SPAM1: variants seen among roughly 807,000 people sequenced by gnomAD.
SPAM1 encodes sperm adhesion molecule 1.
Under a neutral mutation model 29.6 loss-of-function variants are expected in SPAM1, and 22 were observed. That is an observed-to-expected ratio of 0.74 (90% CI 0.53 to 1.06). The LOEUF is 1.06. SPAM1 is among the 50% of genes least tolerant of loss of function. The probability of loss-of-function intolerance (pLI) is 0.00; values close to 1 mark genes in which losing one functional copy is unlikely to be tolerated. For missense variants in SPAM1, 534 were observed against 604.0 expected (o/e 0.88, Z 1.21); for synonymous variants, 194 against 204.6 (o/e 0.95, Z 0.44).
chr7:123,953,648 C>T lies in SPAM1; in HGVS notation c.78C>T (p.Thr26=). 6.2e-7 allele frequency: 1 copy of T among 1,613,010 alleles called. No individual in the cohort carries two copies. Among genetic ancestry groups the T allele is most frequent in the South Asian group, 1.1e-5 (1 of 90,952 alleles). ...KSSGVSQIVF[T]FLLIPCCLTL... is the part of the protein sequence containing the mutation. ...GTGGAGTATCCCAGATAGTTTTCAC[C>T]TTCCTTCTGATTCCATGTTGCTTGA... The change falls in exon 3 of 5, where the codon ACC becomes ACT. Residue 26 remains threonine (T), a synonymous_variant. Coordinates refer to ENST00000682466, the MANE Select transcript of SPAM1 (RefSeq NM_153189.3).
chr7:123,960,050 C>T (rs1437755721), downstream of SPAM1: 40 of 1,502,720 alleles, frequency 2.7e-5, no homozygotes, highest in Non-Finnish European at 3.4e-5. Context: ...AAAAGAACAG[C>T]TCTTGTTGAA....
intron 5 of SPAM1, among the ~76,000 whole-genome samples, chr7:123,965,064 A>AT (rs981198651): frequency 5.3e-5 from 8 of 151,844 alleles, no homozygotes; most frequent in East Asian, 3.9e-4. Context: ...TGATTTAATT[A>AT]TTTTTTTTCC....
chr7:123,954,548 C>A, intron 3 of SPAM1, 24 bp downstream of exon 3: 2 of 1,423,790 alleles, frequency 1.4e-6, no homozygotes, highest in Non-Finnish European at 1.9e-6. Flanking sequence ...GGTATGAGGG[C>A]TAGGAAATGA....
chr7:123,953,911 TC>T lies in SPAM1; in HGVS notation c.346del (p.Gln116ArgfsTer22). On this transcript the variant is annotated frameshift_variant, in exon 3 of 5. Transcript: ENST00000682466. LOFTEE classifies it high-confidence loss of function. ...SITGVTVNGG[I>X]PQKISLQDHL... ...ACAGGAGTAACTGTGAATGGAGGAA[TC>T]CCCCAGAAGATTTCCTTACAAGACC... 1 of 1,613,694 alleles carries T rather than the reference TC, an allele frequency of 6.2e-7. No individual in the cohort carries two copies. Among genetic ancestry groups the T allele is most frequent in the Non-Finnish European group, 8.5e-7 (1 of 1,179,770 alleles).
At position 123,959,808 on chromosome 7, in the gene SPAM1, G is replaced by A. The variant is rs943732895; in HGVS notation, c.1369G>A (p.Val457Met). Residue 457 changes from valine to methionine, a missense_variant, in exon 5 of 5, where the codon GTG (valine) becomes ATG (methionine). By Grantham distance (21) the Val-to-Met change is conservative. Coordinates refer to ENST00000682466, the MANE Select transcript of SPAM1 (RefSeq NM_153189.3). ...TGTAAAAGACACTGATGCTGTTGAT[G>A]TGTGTATTGCTGATGGTGTCTGTAT... ...ADVKDTDAVD[V>M]CIADGVCIDA... 4 of 1,613,120 alleles carry A rather than the reference G, an allele frequency of 2.5e-6. No homozygotes were observed. The highest frequency in any genetic ancestry group is 2.2e-5 in the East Asian group (1 of 44,834).
At chr7:123,950,751 C>A (rs1189083068) in intron 2 of SPAM1, among the ~76,000 whole-genome samples, 1 of 151,964 alleles carries the variant, frequency 6.6e-6, no homozygotes, top group Admixed American at 6.6e-5. Flanking sequence ...TTTTATATAA[C>A]GATTTCTTTT....
intron 4 of SPAM1, among the ~76,000 whole-genome samples, chr7:123,957,245 A>C (rs965029581): frequency 6.6e-6 from 1 of 152,032 alleles, no homozygotes; most frequent in East Asian, 1.9e-4. Flanking sequence ...AGAGTTTAAC[A>C]AGGAAGTTAT....
downstream of SPAM1, among the ~76,000 whole-genome samples, chr7:123,961,027 T>A (rs935151300): frequency 2.0e-5 from 3 of 151,644 alleles, no homozygotes; most frequent in African/African-American, 7.3e-5. Flanking sequence ...AAATCTTTTT[T>A]ATTTTTTTCT....
chr7:123,939,919 T>TTTCCTCTTAGTAA (rs1424854000), intron 1 of SPAM1, among the ~76,000 whole-genome samples: 2 of 152,198 alleles, frequency 1.3e-5, no homozygotes, highest in African/African-American at 4.8e-5. Context: ...ACCTGAGATC[T>TTTCCTCTTAGTAA]TTCCTCTTAG....
chr7:123,964,618 G>A (rs1444411836), downstream of SPAM1, among the ~76,000 whole-genome samples: 2 of 151,878 alleles, frequency 1.3e-5, no homozygotes, highest in African/African-American at 2.4e-5. Context: ...TTAAACTCCT[G>A]AGTTCAACTG....
chr7:123,937,404 A>T lies in SPAM1; in HGVS notation c.-319+12052A>T, dbSNP rs189403850. ...ATCACAAAGTCAGGAGATCGAGACC[A>T]TCCTGGATAACATGGTGAAATCCCG... On this transcript the variant is annotated intron_variant, in intron 1 of 4. Coordinates refer to ENST00000682466, the MANE Select transcript of SPAM1 (RefSeq NM_153189.3). 2.9e-3 allele frequency among the ~76,000 whole-genome samples: 438 copies of T among 152,188 alleles called. 5 individuals are homozygous for T. The highest frequency in any genetic ancestry group is 4.4e-3 in the Admixed American group (68 of 15,282).
intron 1 of SPAM1, among the ~76,000 whole-genome samples, chr7:123,928,479 G>A (rs1807966539): frequency 6.6e-6 from 1 of 152,176 alleles, no homozygotes; most frequent in African/African-American, 2.4e-5. Flanking sequence ...CCAGTAAGAA[G>A]TCAGAAACTA....
chr7:123,953,414 A>T lies in SPAM1; in HGVS notation c.-157A>T. 2.0e-6 allele frequency: 1 copy of T among 492,356 alleles called. No homozygotes were observed. Among genetic ancestry groups the T allele is most frequent in the Non-Finnish European group, 3.5e-6 (1 of 283,648 alleles). 30.5% of individuals were successfully genotyped at this position (492,356 alleles called of 1,614,324 possible). On this transcript the variant is annotated 5_prime_UTR_variant, in exon 3 of 5. The change abolishes the stop of an existing upstream ORF in the 5' untranslated region. Coordinates refer to ENST00000682466, the MANE Select transcript of SPAM1 (RefSeq NM_153189.3). ...CAATCCTGAAACATGAAACAAGAAT[A>T]ATAATATTTAAATGTAACTTAATCA...
intron 1 of SPAM1, among the ~76,000 whole-genome samples, chr7:123,933,675 C>T (rs1445772770): frequency 6.6e-6 from 1 of 151,960 alleles, no homozygotes; most frequent in Non-Finnish European, 1.5e-5. Flanking sequence ...AACTATTCAC[C>T]CAACAAGGGA....
Position 123,959,777 on chromosome 7 carries a change from A to G in SPAM1, c.1338A>G (p.Lys446=), listed in dbSNP as rs777171872. 8 of 1,613,272 alleles carry G rather than the reference A, an allele frequency of 5.0e-6. No individual in the cohort carries two copies. The South Asian group carries it at 6.6e-5, about 13-fold the overall frequency. ...ATAGCACCTTGAGTTGTAAGGAGAA[A>G]GCTGATGTAAAAGACACTGATGCTG... The part of the protein sequence containing the change: ...SCYSTLSCKE[K]ADVKDTDAVD... Residue 446 remains lysine, a synonymous_variant, in exon 5 of 5, where the codon AAA becomes AAG. Transcript: ENST00000682466.
intron 1 of SPAM1, among the ~76,000 whole-genome samples, chr7:123,931,276 A>C (rs1361952054): frequency 6.6e-6 from 1 of 152,220 alleles, no homozygotes; most frequent in Non-Finnish European, 1.5e-5. Context: ...TAGATACCAG[A>C]ACCCCTTTTT....
At position 123,945,545 on chromosome 7, in the gene SPAM1, G is replaced by A. The variant is rs1808550606; in HGVS notation, c.-318-4327G>A. On this transcript the variant is annotated intron_variant, in intron 1 of 4. Coordinates refer to ENST00000682466, the MANE Select transcript of SPAM1 (RefSeq NM_153189.3). ...AAAGAGGTCAGGTTATGCAAATACA[G>A]GAGAGCAGACCTTTAGACCTAAGAA... 5.3e-5 allele frequency among the ~76,000 whole-genome samples: 8 copies of A among 152,216 alleles called. No homozygotes were observed. The South Asian group carries it at 1.7e-3, about 32-fold the overall frequency.
rs1358932891 is a variant in SPAM1, at chr7:123,953,551, C to T, written c.-20C>T. ...GTGTGTAGGAAGAAATAAATGTTTT[C>T]ATAGTCATTACTCTTTACAATGGGA... is the stretch of plus-strand genomic sequence containing the variant. On this transcript the variant is annotated 5_prime_UTR_variant, in exon 3 of 5. Coordinates refer to ENST00000682466, the MANE Select transcript of SPAM1 (RefSeq NM_153189.3). 1 of 1,486,114 alleles carries T rather than the reference C, an allele frequency of 6.7e-7. No homozygotes were observed. Among genetic ancestry groups the T allele is most frequent in the South Asian group, 1.3e-5 (1 of 76,984 alleles). The allele number at this position is 1,486,114 out of a possible 1,614,324, so 92.1% of individuals were successfully genotyped here.
At position 123,949,561 on chromosome 7, in the gene SPAM1, T is replaced by C. The variant is rs556772600; in HGVS notation, c.-318-311T>C. ...TACCGTATTTAAGCATTTCTTATCA[T>C]TGGTATTGCTTATCAATTGGGTATT... On this transcript the variant is annotated intron_variant, in intron 1 of 4. Transcript: ENST00000682466. Among the ~76,000 whole-genome samples, 17 of 152,292 alleles carry C rather than the reference T, an allele frequency of 1.1e-4. No homozygotes were observed. In the East Asian group the frequency reaches 3.3e-3, roughly 29 times the overall value.
Sources: gnomAD v4.1 joint callset for allele counts (sites outside exome capture counted in the v4.1 genomes callset) on GRCh38, gnomAD v4.1.1 for gene constraint, MANE v1.5 for transcripts, NCBI Gene and HGNC (gene_info 2026-07-23, HGNC 2026-07-21) for gene names.